The following CLCN3 variants were observed in gnomAD, a reference collection of about 807,000 sequenced individuals.
CLCN3 encodes the protein Cl-/H+ antiporter 3.
Under a neutral mutation model 83.4 loss-of-function variants are expected in CLCN3, and 16 were observed. The observed-to-expected ratio is 0.19, with a 90% CI of 0.13 to 0.29. The LOEUF (loss-of-function observed/expected upper bound fraction) is 0.29, where lower values mean the gene tolerates loss of function less well. Ranked by LOEUF, CLCN3 falls within the 10% of genes least tolerant of loss-of-function variation. The pLI is 1.00. For missense variants in CLCN3, 544 were observed against 1,006.0 expected (o/e 0.54, Z 6.21); for synonymous variants, 322 against 346.2 (o/e 0.93, Z 0.78).
chr4:169,624,376 G>A (rs575293865), intron 1 of CLCN3, among the ~76,000 whole-genome samples: 2 of 152,014 alleles, frequency 1.3e-5, no homozygotes, highest in South Asian at 2.1e-4. Context: ...TGAGGTGATC[G>A]ACCCGCCTCG....
At chr4:169,673,741 A>G (rs62333172) in intron 2 of CLCN3, among the ~76,000 whole-genome samples, 17,595 of 152,110 alleles carry the variant, frequency 0.12, 1,127 homozygotes, top group East Asian at 0.17. Flanking sequence ...AATCCCATAT[A>G]CCTGTCACCC....
chr4:169,680,467 G>A, intron 3 of CLCN3: 1 of 319,782 alleles, frequency 3.1e-6, no homozygotes, highest in Non-Finnish European at 5.7e-6. Flanking sequence ...AGAAGGAAAG[G>A]GAAAAATACA....
intron 7 of CLCN3, among the ~76,000 whole-genome samples, chr4:169,693,143 T>C (rs1158450401): frequency 1.3e-5 from 2 of 152,210 alleles, no homozygotes; most frequent in Non-Finnish European, 2.9e-5. Flanking sequence ...GTTGAGTTTT[T>C]TAATGTACTG....
At chr4:169,626,795 T>C (rs992601018) in intron 1 of CLCN3, among the ~76,000 whole-genome samples, 2 of 152,192 alleles carry the variant, frequency 1.3e-5, no homozygotes, top group Non-Finnish European at 2.9e-5. Context: ...CTGGCCAACA[T>C]AGTGAAATCC....
At chr4:169,624,399 G>T (rs1773179731) in intron 1 of CLCN3, among the ~76,000 whole-genome samples, 1 of 152,168 alleles carries the variant, frequency 6.6e-6, no homozygotes, top group Admixed American at 6.5e-5. Context: ...CACCCAAAGT[G>T]CTGGGATTAC....
chr4:169,672,446 A>T (rs1281601849), intron 2 of CLCN3, among the ~76,000 whole-genome samples: 1 of 150,828 alleles, frequency 6.6e-6, no homozygotes, highest in Non-Finnish European at 1.5e-5. Flanking sequence ...AGCCTTTGAT[A>T]TATTATTATA....
intron 11 of CLCN3, among the ~76,000 whole-genome samples, chr4:169,711,181 CACTTT>C (rs1430463268): frequency 6.6e-6 from 1 of 152,208 alleles, no homozygotes; most frequent in African/African-American, 2.4e-5. Flanking sequence ...ATTGATGTCA[CACTTT>C]ACATCTTTTT....
chr4:169,695,996 T>C (rs947197706), intron 8 of CLCN3, among the ~76,000 whole-genome samples: 1 of 152,188 alleles, frequency 6.6e-6, no homozygotes, highest in Non-Finnish European at 1.5e-5. Flanking sequence ...TGAAACAATC[T>C]ATTTCCATTG....
At chr4:169,679,734 AC>A (rs1731855035) in intron 2 of CLCN3, among the ~76,000 whole-genome samples, 1 of 152,194 alleles carries the variant, frequency 6.6e-6, no homozygotes, top group Non-Finnish European at 1.5e-5. Context: ...ACCAAAAAAT[AC>A]AAAAATCAGT....
chr4:169,688,382 C>G (rs1732241187), intron 4 of CLCN3, among the ~76,000 whole-genome samples: 1 of 152,152 alleles, frequency 6.6e-6, no homozygotes. Flanking sequence ...ATATTAAGCA[C>G]TGTTATAATC....
At chr4:169,671,911 T>G (rs1368685642) in intron 2 of CLCN3, among the ~76,000 whole-genome samples, 1 of 152,082 alleles carries the variant, frequency 6.6e-6, no homozygotes, top group Non-Finnish European at 1.5e-5. Flanking sequence ...TCCTGTCATT[T>G]TAGGTTAATA....
Position 169,695,814 on chromosome 4 carries a change from A to G in CLCN3, c.1017+122A>G, listed in dbSNP as rs1330026608. On this transcript the variant is annotated intron_variant, in intron 8 of 12. Transcript: ENST00000513761. ...ACTTTGTTTTCAAATTTATTTTTCT[A>G]AAGTTGTTTTCCACTCATTCTTAAT... 1.3e-5 allele frequency: 8 copies of G among 623,144 alleles called. No homozygotes were observed. The East Asian group carries it at 2.1e-4, about 17-fold the overall frequency. 38.6% of individuals were successfully genotyped at this position (623,144 alleles called of 1,614,324 possible). A position where few individuals can be genotyped will look rare whatever the true frequency, so the allele number is the denominator to read the frequency against.
chr4:169,643,566 T>C (rs1324635235), intron 2 of CLCN3, among the ~76,000 whole-genome samples: 1 of 151,958 alleles, frequency 6.6e-6, no homozygotes, highest in Non-Finnish European at 1.5e-5. Flanking sequence ...AGGGTCTCAT[T>C]CTGTCATCCA....
chr4:169,671,233 G>A (rs1304117947), intron 2 of CLCN3, among the ~76,000 whole-genome samples: 1 of 152,202 alleles, frequency 6.6e-6, no homozygotes, highest in Non-Finnish European at 1.5e-5. Flanking sequence ...TAAAGAAAAT[G>A]TGGCACATAT....
At chr4:169,661,536 A>G (rs1333376624) in intron 2 of CLCN3, among the ~76,000 whole-genome samples, 5 of 152,108 alleles carry the variant, frequency 3.3e-5, no homozygotes, top group Admixed American at 1.3e-4. Context: ...TGTCTGCTAC[A>G]CACTATTTTA....
chr4:169,659,223 C>T (rs1330277352), intron 2 of CLCN3, among the ~76,000 whole-genome samples: 3 of 152,124 alleles, frequency 2.0e-5, no homozygotes, highest in African/African-American at 7.2e-5. Flanking sequence ...TAGAGGAATC[C>T]TCTCAGAGGT....
intron 9 of CLCN3, 113 bp from the exon 10 acceptor site, chr4:169,703,885 A>G: frequency 1.9e-6 from 2 of 1,032,564 alleles, no homozygotes; most frequent in Non-Finnish European, 1.4e-6. Flanking sequence ...ATTTTGCTAT[A>G]TTAATACAAT....
At chr4:169,663,316 TG>T (rs1249924271) in intron 2 of CLCN3, among the ~76,000 whole-genome samples, 22,586 of 65,328 alleles carry the variant, frequency 0.35, 1,839 homozygotes, top group East Asian at 0.47. Flanking sequence ...TGGGTTTTTT[TG>T]TTGTTGTTGT....
rs560493601 is a variant in CLCN3, at chr4:169,695,355, C to G, written c.937-257C>G. On this transcript the variant is annotated intron_variant, in intron 7 of 12. Coordinates refer to ENST00000513761, the MANE Select transcript of CLCN3 (RefSeq NM_001829.4). ...ATTCATTGCCTCCTCCTCTTTACAC[C>G]CTATTCACATTAGTATATCTGGCAA... Among the ~76,000 whole-genome samples, 21 of 152,200 alleles carry G rather than the reference C, an allele frequency of 1.4e-4. No individual in the cohort carries two copies. The South Asian group carries it at 4.4e-3, about 32-fold the overall frequency.
Sources: allele counts gnomAD v4.1 joint callset (sites outside exome capture counted in the v4.1 genomes callset), GRCh38; gene constraint gnomAD v4.1.1; transcripts MANE v1.5; gene names NCBI Gene and HGNC (gene_info 2026-07-23, HGNC 2026-07-21).